The following FGF13 variants were observed in gnomAD, a reference collection of about 807,000 sequenced individuals.
FGF13 encodes the protein fibroblast growth factor 13.
FGF13 carries 2 observed loss-of-function variants against 19.5 expected under a neutral mutation model. The ratio of observed to expected loss-of-function variants is 0.10; its 90% confidence interval spans 0.04 to 0.32. FGF13 has a LOEUF of 0.32. Ranked by LOEUF, FGF13 falls within the 10% of genes least tolerant of loss-of-function variation. The pLI, the probability that FGF13 is intolerant of heterozygous loss-of-function variation, is 1.00. For synonymous variants in FGF13, 72 were observed against 76.9 expected, an observed-to-expected ratio of 0.94 and a Z score of 0.33; for missense variants, 113 against 192.7, an observed-to-expected ratio of 0.59 and a Z score of 2.45.
chrX:138,622,468 T>C lies in FGF13; in HGVS notation c.*10382A>G, dbSNP rs917242545. ...ATATCCCTAAATATAACAAAGGCCATATATATGACAAACTCACATCTAACG... is the reference window on the plus strand; with the variant it reads ...ATATCCCTAAATATAACAAAGGCCACATATATGACAAACTCACATCTAACG... On this transcript the variant is annotated 3_prime_UTR_variant, in exon 5 of 5. Transcript: ENST00000315930. The C allele has an allele frequency of 5.4e-5, 6 of 111,901 alleles. No homozygotes were observed. Among genetic ancestry groups the C allele is most frequent in the Admixed American group, 1.9e-4 (2 of 10,572 alleles). 9.2% of individuals were successfully genotyped at this position (111,901 alleles called of 1,213,427 possible).
At chrX:138,995,696 T>C (rs1193353388) in intron 1 of FGF13, among the ~76,000 whole-genome samples, 1 of 112,525 alleles carries the variant, frequency 8.9e-6, no homozygotes, top group African/African-American at 3.2e-5. Context: ...ATTTTCTTTA[T>C]CCAATCTGTC....
chrX:139,148,315 C>T (rs1394830683), intron 1 of FGF13, among the ~76,000 whole-genome samples: 1 of 111,602 alleles, frequency 9.0e-6, no homozygotes, highest in African/African-American at 3.3e-5. Context: ...AGAACACACA[C>T]CTGCCTATTC....
intron 1 of FGF13, among the ~76,000 whole-genome samples, chrX:138,996,939 G>A (rs948603893): frequency 3.6e-5 from 4 of 111,851 alleles, no homozygotes; most frequent in African/African-American, 1.3e-4. Context: ...GCTTTGGCTG[G>A]CATCTGGCGG....
intron 1 of FGF13, among the ~76,000 whole-genome samples, chrX:139,184,488 TC>T (rs1447226295): frequency 9.9e-5 from 11 of 111,648 alleles, no homozygotes; most frequent in Non-Finnish European, 1.5e-4. Flanking sequence ...AGTCCATACC[TC>T]ATCATCATAC....
At chrX:139,177,568 C>T (rs2084199041) in intron 1 of FGF13, among the ~76,000 whole-genome samples, 1 of 111,043 alleles carries the variant, frequency 9.0e-6, no homozygotes, top group African/African-American at 3.3e-5. Context: ...ACCGGTTATT[C>T]CTTTCCATGT....
chrX:138,769,606 A>G (rs2090530396), intron 3 of FGF13, among the ~76,000 whole-genome samples: 1 of 112,375 alleles, frequency 8.9e-6, no homozygotes, highest in Admixed American at 9.4e-5. Flanking sequence ...ACATGTTTTT[A>G]CCTTAAGACC....
intron 3 of FGF13, among the ~76,000 whole-genome samples, chrX:138,798,831 A>G (rs889397727): frequency 8.9e-6 from 1 of 111,851 alleles, no homozygotes; most frequent in Admixed American, 9.5e-5. Context: ...CATTTCTTCT[A>G]GATTTTCTAG....
At position 139,139,865 on chromosome X, in the gene FGF13, T is replaced by C. The variant is rs1403632009; in HGVS notation, c.-113+63551A>G. Among the ~76,000 whole-genome samples, 5 of 111,712 alleles carry C rather than the reference T, an allele frequency of 4.5e-5. No homozygotes were observed. The East Asian group carries it at 1.4e-3, about 32-fold the overall frequency. ...GCACAGAGGCAAGAGAGTATGGTGA[T>C]TGCTATTGACAATTACTATTTGAAA... is the stretch of plus-strand genomic sequence containing the variant. On this transcript the variant is annotated intron_variant, in intron 1 of 2. Coordinates refer to the FGF13 transcript ENST00000421460.
chrX:139,069,075 A>T (rs1281435669), intron 1 of FGF13, among the ~76,000 whole-genome samples: 3 of 105,100 alleles, frequency 2.9e-5, no homozygotes, highest in Admixed American at 1.0e-4. Flanking sequence ...GGGATCTAGA[A>T]CTGGAAATAC....
intron 1 of FGF13, among the ~76,000 whole-genome samples, chrX:139,055,976 A>C (rs1463556337): frequency 8.9e-6 from 1 of 112,204 alleles, no homozygotes; most frequent in East Asian, 2.8e-4. Context: ...ATTCATGTGC[A>C]ATTTTTTATA....
intron 1 of FGF13, among the ~76,000 whole-genome samples, chrX:138,733,273 C>T (rs2090246695): frequency 9.0e-6 from 1 of 111,441 alleles, no homozygotes; most frequent in African/African-American, 3.3e-5. Context: ...GTTATTTATA[C>T]ATGAATTATC....
At chrX:139,016,692 G>T (rs1384635738) in intron 1 of FGF13, among the ~76,000 whole-genome samples, 2 of 111,442 alleles carry the variant, frequency 1.8e-5, no homozygotes, top group Non-Finnish European at 3.8e-5. Context: ...GACAGTCTGT[G>T]AGGTGCCTCA....
At chrX:138,846,185 TTGTGTGTGTGTG>T (rs200911113) in intron 3 of FGF13, among the ~76,000 whole-genome samples, 16 of 96,655 alleles carry the variant, frequency 1.7e-4, no homozygotes, top group South Asian at 5.6e-4. Context: ...ATGTGTCCAT[TTGTGTGTGTGTG>T]TGTGTGTGTG....
Position 138,614,981 on chromosome X carries a change from TA to T in FGF13, c.*17868del, listed in dbSNP as rs1005858453. Reference sequence around the variant, plus strand: ...CATTTATATAACAATTCTGAAATAATAAAATTATAAGGATGAAGAACAGATT... The same window carrying T: ...CATTTATATAACAATTCTGAAATAATAAATTATAAGGATGAAGAACAGATT... On this transcript the variant is annotated 3_prime_UTR_variant, in exon 5 of 5. Coordinates refer to ENST00000315930, the MANE Select transcript of FGF13 (RefSeq NM_004114.5). 1 of 112,092 alleles carries T rather than the reference TA, an allele frequency of 8.9e-6. No individual in the cohort carries two copies. The highest frequency in any genetic ancestry group is 1.9e-5 in the Non-Finnish European group (1 of 53,226). The allele number at this position is 112,092 out of a possible 1,213,427, so 9.2% of individuals were successfully genotyped here.
intron 2 of FGF13, among the ~76,000 whole-genome samples, chrX:138,864,267 C>T (rs1176648898): frequency 8.9e-6 from 1 of 112,621 alleles, no homozygotes; most frequent in Admixed American, 9.4e-5. Context: ...CTCAGCTATT[C>T]CATTTTGGAG....
chrX:138,790,500 T>C (rs993238272), intron 3 of FGF13, among the ~76,000 whole-genome samples: 2 of 111,035 alleles, frequency 1.8e-5, no homozygotes, highest in African/African-American at 6.6e-5. Context: ...TCCTTTTCAA[T>C]AGCCTATCCA....
intron 1 of FGF13, among the ~76,000 whole-genome samples, chrX:139,008,623 C>A (rs1474121551): frequency 1.8e-5 from 2 of 112,100 alleles, no homozygotes; most frequent in African/African-American, 6.5e-5. Flanking sequence ...GTTCAGCTCT[C>A]AGGAAGCCCC....
intron 1 of FGF13, among the ~76,000 whole-genome samples, chrX:139,102,295 G>A (rs749147211): frequency 9.0e-6 from 1 of 111,206 alleles, no homozygotes; most frequent in African/African-American, 3.3e-5. Flanking sequence ...AAACTTGTAC[G>A]AACCTTAATT....
chrX:139,199,887 T>C (rs1407908887), intron 1 of FGF13, among the ~76,000 whole-genome samples: 2 of 112,461 alleles, frequency 1.8e-5, no homozygotes, highest in South Asian at 3.7e-4. Context: ...ATGCCTCAAC[T>C]TGCTCCCCCT....
Sources: allele counts gnomAD v4.1 joint callset (sites outside exome capture counted in the v4.1 genomes callset), GRCh38; gene constraint gnomAD v4.1.1; transcripts MANE v1.5; gene names NCBI Gene and HGNC (gene_info 2026-07-23, HGNC 2026-07-21).